The following ATP2C2 variants were observed in gnomAD, a reference collection of about 807,000 sequenced individuals.
The protein encoded by ATP2C2 is ATPase secretory pathway Ca2+ transporting 2.
ATP2C2 carries 171 observed loss-of-function variants against 110.8 expected under a neutral mutation model. That is an observed-to-expected ratio of 1.54 (90% confidence interval 1.36 to 1.75). The LOEUF (loss-of-function observed/expected upper bound fraction) is 1.75, where lower values mean the gene tolerates loss of function less well. Ranked by LOEUF, ATP2C2 falls within the 40% of genes most tolerant of loss-of-function variation. ATP2C2 has a pLI of 0.00. For missense variants in ATP2C2, 1,963 were observed against 1,235.0 expected, an observed-to-expected ratio of 1.59 and a Z score of -8.84; for synonymous variants, 804 against 508.4, an observed-to-expected ratio of 1.58 and a Z score of -7.82.
intron 11 of ATP2C2, among the ~76,000 whole-genome samples, chr16:84,433,475 A>C (rs1285083426): frequency 6.6e-6 from 1 of 152,166 alleles, no homozygotes; most frequent in Non-Finnish European, 1.5e-5. Flanking sequence ...CAAAACAGTG[A>C]AACCTCGTCT....
rs1485181105 is a variant in ATP2C2, at chr16:84,410,564, C to G, written c.418-4C>G. The stretch of plus-strand genomic sequence containing the variant: ...ACTGACACCCTCCTCCGTTTGCTGT[C>G]TAGGCAGTGCTTGTCGTGGTCACTG... On this transcript the variant is annotated splice_region_variant and splice_polypyrimidine_tract_variant and intron_variant, in intron 4 of 26. Transcript: ENST00000262429. The G allele has an allele frequency of 1.9e-6, 3 of 1,613,802 alleles. No homozygotes were observed. Among genetic ancestry groups the G allele is most frequent in the Non-Finnish European group, 2.5e-6 (3 of 1,179,942 alleles).
intron 2 of ATP2C2, chr16:84,404,769 C>T: frequency 2.8e-6 from 1 of 361,182 alleles, no homozygotes; most frequent in Non-Finnish European, 5.3e-6. Flanking sequence ...AATCGCCACA[C>T]AGTTTCCATA....
intron 23 of ATP2C2, 158 bp from the exon 24 acceptor site, chr16:84,460,496 T>C (rs761003368): frequency 8.7e-5 from 84 of 966,538 alleles, no homozygotes; most frequent in Non-Finnish European, 1.1e-4. Context: ...TTCTGGAAGG[T>C]GCCGAGGAGG....
Position 84,408,447 on chromosome 16 carries a change from G to A in ATP2C2, c.370G>A (p.Val124Met). 3.7e-6 allele frequency: 6 copies of A among 1,613,860 alleles called. No homozygotes were observed. The highest frequency in any genetic ancestry group is 5.1e-6 in the Non-Finnish European group (6 of 1,180,006). The change falls in exon 4 of 27, where the codon GTG becomes ATG. Residue 124 changes from valine (V) to methionine (M), a missense_variant. By Grantham distance (21) the Val-to-Met change is conservative. Transcript: ENST00000262429. ...CCTGCTGCTGCTGGGCTCTGCCCTG[G>A]TGAGTGTCCTCACCAAGGAGTATGA... ...LILLLLGSAL[V>M]SVLTKEYEDA...
At chr16:84,398,658 T>G in intron 2 of ATP2C2, 49 bp downstream of exon 2, 2 of 1,465,342 alleles carry the variant, frequency 1.4e-6, no homozygotes, top group Non-Finnish European at 1.9e-6. Context: ...GGTTTTATGT[T>G]TAAAAGAAAG....
In ATP2C2 at chr16:84,463,947, G is replaced by C. The variant is rs563673470; in HGVS notation, c.*215G>C. The C allele has an allele frequency of 6.3e-5, 35 of 553,208 alleles. No homozygotes were observed. The highest frequency in any genetic ancestry group is 6.0e-4 in the African/African-American group (32 of 53,192). The allele number at this position is 553,208 out of a possible 1,614,324, so 34.3% of individuals were successfully genotyped here. Reference sequence around the variant, plus strand: ...TCCCGCTGGCTGTGGGACAGACAGGGAGGGGCCTGTACAGAAACACCACAC... The same window carrying C: ...TCCCGCTGGCTGTGGGACAGACAGGCAGGGGCCTGTACAGAAACACCACAC... On this transcript the variant is annotated 3_prime_UTR_variant, in exon 27 of 27. Transcript: ENST00000262429.
intron 16 of ATP2C2, among the ~76,000 whole-genome samples, chr16:84,448,316 G>C (rs1909944475): frequency 6.6e-6 from 1 of 152,184 alleles, no homozygotes; most frequent in African/African-American, 2.4e-5. Context: ...GTTGAAGATT[G>C]GCCTTGTTCT....
chr16:84,406,105 C>T (rs59598539), intron 3 of ATP2C2, among the ~76,000 whole-genome samples: 16,929 of 152,292 alleles, frequency 0.11, 1,174 homozygotes, highest in East Asian at 0.22. Flanking sequence ...CTGTGAGGAG[C>T]AGTGCAGAGC....
Position 84,368,711 on chromosome 16 carries a change from C to T in ATP2C2, c.96C>T (p.Ala32=). The change falls in exon 1 of 27, where the codon GCC becomes GCT. Residue 32 remains alanine, a synonymous_variant. Transcript: ENST00000262429. The stretch of plus-strand genomic sequence containing the variant: ...CGCTGGAGAAGGACGAAGAGGAAGC[C>T]TTGGTGAGTCCCCGCGACTCCGCGC... ...YQALEKDEEE[A]LIDEQSELKA... 1.9e-6 allele frequency: 3 copies of T among 1,538,756 alleles called. No homozygotes were observed. The highest frequency in any genetic ancestry group is 2.7e-5 in the East Asian group (1 of 37,388).
Position 84,460,436 on chromosome 16 carries a change from T to C in ATP2C2, c.2334-218T>C, listed in dbSNP as rs538656546. On this transcript the variant is annotated intron_variant, in intron 23 of 26. Transcript: ENST00000262429. ...TACGGGGTGGTCTTCCTTCACTGTC[T>C]GCGGGACAGATGGAGGGGCACAGCT... The C allele has an allele frequency of 2.3e-4, 149 of 649,116 alleles. 1 individual carries two copies. The highest frequency in any genetic ancestry group is 5.0e-4 in the Middle Eastern group (2 of 3,970). The allele number at this position is 649,116 out of a possible 1,614,324, so 40.2% of individuals were successfully genotyped here. A position where few individuals can be genotyped will look rare whatever the true frequency, so the allele number is the denominator to read the frequency against.
chr16:84,394,611 C>G (rs1250436369), intron 1 of ATP2C2, among the ~76,000 whole-genome samples: 1 of 152,082 alleles, frequency 6.6e-6, no homozygotes, highest in Non-Finnish European at 1.5e-5. Flanking sequence ...AGTCAAAACT[C>G]AAGGAGTCAG....
chr16:84,375,259 C>T (rs950696705), intron 1 of ATP2C2, among the ~76,000 whole-genome samples: 7 of 152,146 alleles, frequency 4.6e-5, no homozygotes, highest in Admixed American at 2.0e-4. Context: ...ACGTCAAACA[C>T]GGCCCGGCGC....
chr16:84,399,544 C>G (rs574209563), intron 2 of ATP2C2, among the ~76,000 whole-genome samples: 3 of 152,286 alleles, frequency 2.0e-5, no homozygotes, highest in South Asian at 4.1e-4. Context: ...CATAAATTAG[C>G]TGTATTTAAC....
intron 18 of ATP2C2, among the ~76,000 whole-genome samples, chr16:84,452,872 G>A (rs892489297): frequency 6.6e-6 from 1 of 152,142 alleles, no homozygotes; most frequent in African/African-American, 2.4e-5. Context: ...AATCAGAGCC[G>A]TGTCAGGTTC....
chr16:84,462,443 G>T (rs1245371140), intron 26 of ATP2C2: 1 of 291,210 alleles, frequency 3.4e-6, no homozygotes, highest in Non-Finnish European at 6.5e-6. Flanking sequence ...AGGGAGCAAG[G>T]CCTGTACTCA....
At chr16:84,404,622 C>G (rs1248407131) in intron 2 of ATP2C2, 1 of 251,294 alleles carries the variant, frequency 4.0e-6, no homozygotes. Context: ...GGGTTGTTTC[C>G]TCCTTTTTGC....
At chr16:84,400,735 A>G (rs1213699640) in intron 2 of ATP2C2, among the ~76,000 whole-genome samples, 2 of 152,128 alleles carry the variant, frequency 1.3e-5, no homozygotes, top group African/African-American at 2.4e-5. Context: ...AGGATTTGTT[A>G]TTGCCTGACT....
intron 1 of ATP2C2, among the ~76,000 whole-genome samples, chr16:84,386,051 G>A (rs530803146): frequency 1.4e-4 from 21 of 152,204 alleles, no homozygotes; most frequent in Admixed American, 1.1e-3. Flanking sequence ...CATTTTTTAC[G>A]TTATCCTTTG....
At chr16:84,398,933 A>G (rs112806495) in intron 2 of ATP2C2, among the ~76,000 whole-genome samples, 1,582 of 152,362 alleles carry the variant, frequency 0.01, 29 homozygotes, top group African/African-American at 0.036. Flanking sequence ...AAAGTAGCAC[A>G]GTCCAGTGTT....
Sources: allele counts gnomAD v4.1 joint callset (sites outside exome capture counted in the v4.1 genomes callset), GRCh38; gene constraint gnomAD v4.1.1; transcripts MANE v1.5; gene names NCBI Gene and HGNC (gene_info 2026-07-23, HGNC 2026-07-21).